The following TBC1D22A variants were observed in gnomAD, a reference collection of about 807,000 sequenced individuals.
TBC1D22A encodes putative GTPase activator.
Under a neutral mutation model 60.2 loss-of-function variants are expected in TBC1D22A, and 38 were observed. The observed-to-expected ratio is 0.63, with a 90% CI of 0.49 to 0.83. TBC1D22A has a LOEUF of 0.83. Among genes scored for constraint, TBC1D22A ranks in the 40% least tolerant of loss-of-function variants. The pLI is 0.00. For missense variants in TBC1D22A, 628 were observed against 701.0 expected, an observed-to-expected ratio of 0.90 and a Z score of 1.18; for synonymous variants, 302 against 281.7, an observed-to-expected ratio of 1.07 and a Z score of -0.72.
intron 5 of TBC1D22A, among the ~76,000 whole-genome samples, chr22:46,883,783 A>G (rs1213153025): frequency 6.6e-6 from 1 of 152,188 alleles, no homozygotes; most frequent in Non-Finnish European, 1.5e-5. Context: ...CTTCACACCC[A>G]TCATTGGCCA....
chr22:47,053,279 G>A (rs950991303), intron 11 of TBC1D22A, among the ~76,000 whole-genome samples: 3 of 152,342 alleles, frequency 2.0e-5, no homozygotes, highest in Middle Eastern at 3.4e-3. Context: ...AGGTGGGGTG[G>A]ACGTGTCTTT....
chr22:47,117,665 C>T (rs567589757), intron 12 of TBC1D22A, among the ~76,000 whole-genome samples: 1 of 152,328 alleles, frequency 6.6e-6, no homozygotes, highest in African/African-American at 2.4e-5. Flanking sequence ...CCCGGGAGCA[C>T]AGGAGCCCAG....
chr22:47,030,401 A>G (rs1045515189), intron 10 of TBC1D22A, among the ~76,000 whole-genome samples: 4 of 152,216 alleles, frequency 2.6e-5, no homozygotes, highest in African/African-American at 9.6e-5. Context: ...CTGGGACACA[A>G]TGTGCTTGCA....
intron 12 of TBC1D22A, among the ~76,000 whole-genome samples, chr22:47,158,653 T>C (rs1407954118): frequency 1.3e-5 from 2 of 152,114 alleles, no homozygotes; most frequent in Non-Finnish European, 2.9e-5. Flanking sequence ...TGCGTCCTGC[T>C]CAGGACCCCC....
chr22:46,971,589 C>A (rs2074062112), intron 8 of TBC1D22A, among the ~76,000 whole-genome samples: 1 of 152,208 alleles, frequency 6.6e-6, no homozygotes, highest in Non-Finnish European at 1.5e-5. Context: ...CACTTACCCT[C>A]CTGTCTATTT....
intron 12 of TBC1D22A, among the ~76,000 whole-genome samples, chr22:47,138,247 T>C (rs760616564): frequency 3.7e-4 from 57 of 152,178 alleles, no homozygotes; most frequent in Non-Finnish European, 1.6e-4. Context: ...CCCAGCCTCT[T>C]TGCAGTGTGC....
intron 11 of TBC1D22A, among the ~76,000 whole-genome samples, chr22:47,055,896 G>A (rs28688909): frequency 1.9e-4 from 28 of 150,698 alleles, no homozygotes; most frequent in South Asian, 4.2e-4. Flanking sequence ...ACTGAGGGTC[G>A]GTGAGATACG....
intron 10 of TBC1D22A, among the ~76,000 whole-genome samples, chr22:46,999,058 C>T (rs1475226233): frequency 6.6e-6 from 1 of 152,238 alleles, no homozygotes; most frequent in Non-Finnish European, 1.5e-5. Flanking sequence ...ACGTTCTGAG[C>T]AGGTTCCTCC....
intron 11 of TBC1D22A, among the ~76,000 whole-genome samples, chr22:47,043,524 C>T (rs2062920372): frequency 6.6e-6 from 1 of 152,208 alleles, no homozygotes; most frequent in Non-Finnish European, 1.5e-5. Flanking sequence ...TTTCGCAGCC[C>T]AGCTGGTGGC....
chr22:46,768,424 G>A (rs1006598854), intron 1 of TBC1D22A, among the ~76,000 whole-genome samples: 8 of 145,532 alleles, frequency 5.5e-5, no homozygotes, highest in African/African-American at 2.0e-4. Context: ...GGCAGAGGTT[G>A]CAGTGAGCCA....
chr22:46,947,174 G>C (rs1159654048), intron 8 of TBC1D22A, among the ~76,000 whole-genome samples: 1 of 152,180 alleles, frequency 6.6e-6, no homozygotes, highest in African/African-American at 2.4e-5. Context: ...TAGGTCCCCA[G>C]TTTGAATGGG....
intron 4 of TBC1D22A, among the ~76,000 whole-genome samples, chr22:46,827,887 G>A (rs1179140554): frequency 6.6e-6 from 1 of 152,332 alleles, no homozygotes; most frequent in South Asian, 2.1e-4. Flanking sequence ...CGTGAGCAGC[G>A]TTAAGGCCGC....
chr22:47,005,252 TAC>T (rs1413813651), intron 10 of TBC1D22A, among the ~76,000 whole-genome samples: 9 of 151,026 alleles, frequency 6.0e-5, no homozygotes, highest in African/African-American at 2.2e-4. Context: ...AACACCACTA[TAC>T]ACACACCCCC....
chr22:47,028,406 ACGGCCCAGG>A lies in TBC1D22A; in HGVS notation c.1202-8664_1202-8656del, dbSNP rs2062335587. 5.1e-5 allele frequency among the ~76,000 whole-genome samples: 7 copies of A among 137,424 alleles called. No homozygotes were observed. The highest frequency in any genetic ancestry group is 9.2e-5 in the Non-Finnish European group (6 of 65,036). 90.2% of individuals were successfully genotyped at this position (137,424 alleles called of 152,430 possible). On this transcript the variant is annotated intron_variant, in intron 10 of 12. Transcript: ENST00000337137. The surrounding 1 kb of genome is among the most constrained non-coding windows in gnomAD (Gnocchi z 4.4). ...TCCTGTCCCTCGGTCCCTGTCCCCCACGGCCCAGGTTCTGAGAGCGAGTGGTCGCATTCC... is the reference window on the plus strand; with the variant it reads ...TCCTGTCCCTCGGTCCCTGTCCCCCATTCTGAGAGCGAGTGGTCGCATTCC...
At chr22:46,929,046 C>T (rs770837341) in intron 8 of TBC1D22A, among the ~76,000 whole-genome samples, 24 of 152,014 alleles carry the variant, frequency 1.6e-4, no homozygotes, top group Non-Finnish European at 4.4e-5. Context: ...GGTTACCCAA[C>T]TTAGTGAATA....
intron 4 of TBC1D22A, among the ~76,000 whole-genome samples, chr22:46,852,654 C>G (rs147723129): frequency 2.6e-5 from 4 of 152,254 alleles, no homozygotes; most frequent in African/African-American, 9.6e-5. Context: ...CTTTCTTGAC[C>G]CCTTTGACCA....
intron 1 of TBC1D22A, among the ~76,000 whole-genome samples, chr22:46,771,307 A>G (rs569183667): frequency 7.9e-5 from 12 of 152,188 alleles, no homozygotes; most frequent in African/African-American, 2.6e-4. Flanking sequence ...TTCGGAGACC[A>G]CTTGTCTGTT....
intron 9 of TBC1D22A, among the ~76,000 whole-genome samples, chr22:46,989,000 C>T (rs578259950): frequency 6.6e-6 from 1 of 152,220 alleles, no homozygotes; most frequent in Admixed American, 6.5e-5. Flanking sequence ...GGAGAACTTG[C>T]TACAGCTTCT....
chr22:46,844,137 C>T (rs896840423), intron 4 of TBC1D22A, among the ~76,000 whole-genome samples: 1 of 150,332 alleles, frequency 6.7e-6, no homozygotes, highest in South Asian at 2.1e-4. Flanking sequence ...AGATGCTGGG[C>T]GTGGGCACTC....
Sources: allele counts gnomAD v4.1 joint callset (sites outside exome capture counted in the v4.1 genomes callset), GRCh38; gene constraint gnomAD v4.1.1; non-coding constraint Gnocchi (gnomAD v3.1); transcripts MANE v1.5; gene names NCBI Gene and HGNC (gene_info 2026-07-23, HGNC 2026-07-21).